The following BBOF1 variants were observed in gnomAD, a reference collection of about 807,000 sequenced individuals.
BBOF1 encodes basal body-orientation factor 1.
Under a neutral mutation model 68.0 loss-of-function variants are expected in BBOF1, and 62 were observed. The ratio of observed to expected loss-of-function variants is 0.91; its 90% confidence interval spans 0.74 to 1.13. The LOEUF is 1.13. Among genes scored for constraint, BBOF1 ranks in the 50% most tolerant of loss-of-function variants. BBOF1 has a pLI of 0.00. For synonymous variants in BBOF1, 208 were observed against 198.8 expected, an observed-to-expected ratio of 1.05 and a Z score of -0.39; for missense variants, 534 against 600.1, an observed-to-expected ratio of 0.89 and a Z score of 1.15.
At chr14:74,071,424 CA>C in intron 9 of BBOF1, 1 of 1,614,118 alleles carries the variant, frequency 6.2e-7, no homozygotes, top group Non-Finnish European at 8.5e-7. Flanking sequence ...AATAAAGGTC[CA>C]TGTCTTTGGT....
Position 74,072,614 on chromosome 14 carries a change from GAA to G in BBOF1, n.1380-5576_1380-5575del, listed in dbSNP as rs771261871. 3 of 1,581,358 alleles carry G rather than the reference GAA, an allele frequency of 1.9e-6. No individual in the cohort carries two copies. The South Asian group carries it at 3.3e-5, about 18-fold the overall frequency. On this transcript the variant is annotated intron_variant and non_coding_transcript_variant, in intron 9 of 12. Transcript: ENST00000492026. ...CCAATGAAGAGCTTTACAGTTGGCT[GAA>G]AAAAACAAACAAACAAACAAACAAA...
intron 11 of BBOF1, among the ~76,000 whole-genome samples, chr14:74,062,051 GAAAAAAAAAAAAAAAA>G (rs369414700): frequency 2.5e-4 from 15 of 59,616 alleles, no homozygotes; most frequent in Admixed American, 4.9e-4. Context: ...TCTCTACTGG[GAAAAAAAAAAAAAAAA>G]AAAAAAAAAA....
At chr14:74,020,454 A>G (rs1213083073) in intron 1 of BBOF1, among the ~76,000 whole-genome samples, 3 of 151,918 alleles carry the variant, frequency 2.0e-5, no homozygotes, top group Non-Finnish European at 2.9e-5. Context: ...CTTTGTTTCT[A>G]CAGTGAGTAT....
At chr14:74,062,825 T>A (rs553379688) in intron 11 of BBOF1, among the ~76,000 whole-genome samples, 51 of 152,226 alleles carry the variant, frequency 3.4e-4, no homozygotes, top group African/African-American at 9.9e-4. Flanking sequence ...AAAATCAACC[T>A]ATAAAAGGGG....
At chr14:74,025,145 G>GT (rs1047394895) in intron 2 of BBOF1, among the ~76,000 whole-genome samples, 1 of 152,070 alleles carries the variant, frequency 6.6e-6, no homozygotes, top group Non-Finnish European at 1.5e-5. Flanking sequence ...TCTAAAGTAA[G>GT]TTTTTTTAGT....
At chr14:74,043,360 C>T (rs1324574864) in intron 5 of BBOF1, among the ~76,000 whole-genome samples, 1 of 150,016 alleles carries the variant, frequency 6.7e-6, no homozygotes, top group Non-Finnish European at 1.5e-5. Context: ...ACCATCCTGG[C>T]TAACAAGGTG....
intron 1 of BBOF1, among the ~76,000 whole-genome samples, chr14:74,020,626 C>T (rs1315814263): frequency 6.6e-6 from 1 of 152,134 alleles, no homozygotes. Flanking sequence ...GCCTCAGCCT[C>T]CCGAGTAGCT....
At chr14:74,023,872 T>C (rs1470296367) in intron 2 of BBOF1, among the ~76,000 whole-genome samples, 1 of 138,526 alleles carries the variant, frequency 7.2e-6, no homozygotes, top group Admixed American at 8.1e-5. Flanking sequence ...GCTGAGATCA[T>C]ACCATTACAC....
chr14:74,056,496 G>A (rs952311983), intron 9 of BBOF1, among the ~76,000 whole-genome samples: 1 of 151,834 alleles, frequency 6.6e-6, no homozygotes, highest in Non-Finnish European at 1.5e-5. Flanking sequence ...CACTGTGCCC[G>A]GCCCTAATTT....
Position 74,048,045 on chromosome 14 carries a change from G to A in BBOF1, c.763G>A (p.Glu255Lys), listed in dbSNP as rs1412348276. The A allele has an allele frequency of 6.2e-7, 1 of 1,613,200 alleles. No individual in the cohort carries two copies. Among genetic ancestry groups the A allele is most frequent in the Admixed American group, 1.7e-5 (1 of 59,904 alleles). ...ALQKNSQKLQESHTLLLHQKE... is the reference protein window; with the variant it reads ...ALQKNSQKLQKSHTLLLHQKE... The stretch of plus-strand genomic sequence containing the variant: ...ACAAAAAAACTCCCAGAAGTTGCAA[G>A]AGAGTCATACTTTACTTTTACATCA... The change falls in exon 7 of 12, where the codon GAG becomes AAG. Residue 255 changes from glutamate (E) to lysine (K), a missense_variant. Coordinates refer to ENST00000394009, the MANE Select transcript of BBOF1 (RefSeq NM_025057.3).
chr14:74,067,382 G>A, downstream of BBOF1: 1 of 1,613,004 alleles, frequency 6.2e-7, no homozygotes, highest in Non-Finnish European at 8.5e-7. Flanking sequence ...TTGATTACCT[G>A]CATTGACTCT....
At chr14:74,038,245 A>G (rs2059753652) in intron 4 of BBOF1, among the ~76,000 whole-genome samples, 1 of 152,222 alleles carries the variant, frequency 6.6e-6, no homozygotes, top group Admixed American at 6.5e-5. Flanking sequence ...AGGAATGTCA[A>G]CTTTTCTGGA....
In BBOF1 at chr14:74,029,981, C is replaced by A. The variant is rs77205788; in HGVS notation, c.351+732C>A. On this transcript the variant is annotated intron_variant, in intron 3 of 11. Coordinates refer to ENST00000394009, the MANE Select transcript of BBOF1 (RefSeq NM_025057.3). ...CAATATAATTACCTAGTTGCGTAAA[C>A]CCCAATATATCAATCTCAGAATGCT... 3.5e-3 allele frequency among the ~76,000 whole-genome samples: 537 copies of A among 152,184 alleles called. 4 individuals carry two copies. Among genetic ancestry groups the A allele is most frequent in the Non-Finnish European group, 5.9e-3 (398 of 68,008 alleles).
In BBOF1 at chr14:74,032,118, A is replaced by ATTT. The variant is rs780515040; in HGVS notation, c.352-1887_352-1885dup. ...CCAACAGAGTCTATTCTCAAAGTTG[A>ATTT]TTTTTTTTTTTTTTTTTTTTTTTTT... On this transcript the variant is annotated intron_variant, in intron 3 of 11. Transcript: ENST00000394009. Among the ~76,000 whole-genome samples, 507 of 99,610 alleles carry ATTT rather than the reference A, an allele frequency of 5.1e-3. 7 individuals are homozygous for ATTT. The highest frequency in any genetic ancestry group is 0.011 in the East Asian group (33 of 3,130). 65.3% of individuals were successfully genotyped at this position (99,610 alleles called of 152,430 possible). A position where few individuals can be genotyped will look rare whatever the true frequency, so the allele number is the denominator to read the frequency against.
At chr14:74,057,373 GAATGAGTAAT>G (rs1158249615) in intron 11 of BBOF1, 115 bp downstream of exon 11, 1 of 1,562,030 alleles carries the variant, frequency 6.4e-7, no homozygotes, top group Non-Finnish European at 8.7e-7. Context: ...GGGATCAGTG[GAATGAGTAAT>G]AAATAGCATT....
At chr14:74,041,055 C>T (rs549492293) in intron 5 of BBOF1, among the ~76,000 whole-genome samples, 16 of 152,284 alleles carry the variant, frequency 1.1e-4, no homozygotes, top group South Asian at 6.2e-4. Flanking sequence ...CGGTGGCTCA[C>T]GCCTGTAATC....
chr14:74,028,777 C>T (rs9743497), intron 2 of BBOF1, among the ~76,000 whole-genome samples: 2,587 of 151,658 alleles, frequency 0.017, 77 homozygotes, highest in African/African-American at 0.058. Context: ...GACGCCATCT[C>T]GGCTCACTGC....
intron 4 of BBOF1, among the ~76,000 whole-genome samples, chr14:74,039,717 C>A (rs1289106288): frequency 6.6e-6 from 1 of 152,018 alleles, no homozygotes; most frequent in African/African-American, 2.4e-5. Flanking sequence ...GGATTACAGG[C>A]ATGAGCCACT....
chr14:74,061,625 G>A (rs1026548816), intron 11 of BBOF1, among the ~76,000 whole-genome samples: 1 of 151,936 alleles, frequency 6.6e-6, no homozygotes, highest in Non-Finnish European at 1.5e-5. Context: ...TGTACCCAGC[G>A]GCCATTTCTG....
Sources: gnomAD v4.1 joint callset for allele counts (sites outside exome capture counted in the v4.1 genomes callset) on GRCh38, gnomAD v4.1.1 for gene constraint, MANE v1.5 for transcripts, NCBI Gene and HGNC (gene_info 2026-07-23, HGNC 2026-07-21) for gene names.